ANKK1: variants seen among roughly 807,000 people sequenced by gnomAD.
ANKK1 encodes ankyrin repeat and protein kinase domain-containing protein 1.
ANKK1 carries 37 observed loss-of-function variants against 37.6 expected under a neutral mutation model. That is an observed-to-expected ratio of 0.98 (90% CI 0.76 to 1.29). The LOEUF is 1.29. Among genes scored for constraint, ANKK1 ranks in the 50% most tolerant of loss-of-function variants. ANKK1 has a pLI of 0.00. For missense variants in ANKK1, 1,019 were observed against 990.6 expected, an observed-to-expected ratio of 1.03 and a Z score of -0.39; for synonymous variants, 415 against 418.7, an observed-to-expected ratio of 0.99 and a Z score of 0.11.
chr11:113,394,849 C>T, intron 2 of ANKK1, 80 bp from the exon 3 acceptor site: 1 of 1,553,984 alleles, frequency 6.4e-7, no homozygotes, highest in Non-Finnish European at 8.8e-7. Flanking sequence ...AGGCAGATAG[C>T]AGGAGGGGTG....
intron 2 of ANKK1, among the ~76,000 whole-genome samples, chr11:113,394,223 C>G (rs530922563): frequency 6.6e-6 from 1 of 152,292 alleles, no homozygotes; most frequent in South Asian, 2.1e-4. Flanking sequence ...CCATCACCTC[C>G]TCAGGGAGCT....
chr11:113,392,456 A>G (rs2138124691), intron 1 of ANKK1, among the ~76,000 whole-genome samples: 1 of 152,320 alleles, frequency 6.6e-6, no homozygotes, highest in African/African-American at 2.4e-5. Context: ...TTTTTCCTGA[A>G]GGTTGGGGCT....
At chr11:113,394,202 A>G (rs1187244471) in intron 2 of ANKK1, among the ~76,000 whole-genome samples, 1 of 152,018 alleles carries the variant, frequency 6.6e-6, no homozygotes, top group Non-Finnish European at 1.5e-5. Flanking sequence ...TCTACTCACT[A>G]TTCAGCTTAA....
intron 1 of ANKK1, among the ~76,000 whole-genome samples, chr11:113,388,934 G>A (rs931705322): frequency 1.1e-4 from 17 of 152,234 alleles, no homozygotes; most frequent in African/African-American, 2.9e-4. Context: ...AGTCCGGGAC[G>A]GGGGTCTCTC....
At position 113,397,296 on chromosome 11, in the gene ANKK1, T is replaced by C. The variant is rs1950647034; in HGVS notation, c.911T>C (p.Leu304Pro). 1 of 1,612,716 alleles carries C rather than the reference T, an allele frequency of 6.2e-7. No individual in the cohort carries two copies. Among genetic ancestry groups the C allele is most frequent in the African/African-American group, 1.3e-5 (1 of 74,916 alleles). The change falls in exon 6 of 8, where the codon CTG (leucine) becomes CCG (proline). Residue 304 changes from leucine to proline, a missense_variant. Leu to Pro is a moderately conservative substitution (Grantham distance 98, BLOSUM62 -3). Transcript: ENST00000303941. ...SRVAVPESKA[L>P]ARKVSCKLSL... is the part of the protein sequence containing the mutation. ...GTGGCAGTCCCAGAGAGCAAGGCCC[T>C]GGCCAGGAAGGTGTCCTGCAAGCTG...
Position 113,393,514 on chromosome 11 carries a change from C to A in ANKK1, c.219C>A (p.Ala73=), listed in dbSNP as rs770969694. ...SDVNYLIEEA[A]KMKKIKFQHI... is the part of the protein sequence containing the mutation. The stretch of plus-strand genomic sequence containing the variant: ...TGAATTACCTCATTGAAGAAGCTGC[C>A]AAAATGAAGAAGATCAAGTTTCAGC... The change falls in exon 2 of 8, where the codon GCC becomes GCA. Residue 73 remains alanine, a synonymous_variant. Coordinates refer to ENST00000303941, the MANE Select transcript of ANKK1 (RefSeq NM_178510.2). The A allele has an allele frequency of 6.2e-7, 1 of 1,613,778 alleles. No homozygotes were observed. Among genetic ancestry groups the A allele is most frequent in the South Asian group, 1.1e-5 (1 of 91,046 alleles).
At position 113,387,909 on chromosome 11, in the gene ANKK1, C is replaced by T; in HGVS notation, c.25C>T (p.Arg9Trp). The change falls in exon 1 of 8, where the codon CGG becomes TGG. Residue 9 changes from arginine to tryptophan, a missense_variant. Physicochemically the swap from Arg to Trp is moderately radical, Grantham distance 101. Transcript: ENST00000303941. MAADPTEL[R>W]LGSLPVFTRD... The stretch of plus-strand genomic sequence containing the variant: ...AATGGCTGCCGACCCCACCGAGCTG[C>T]GGCTGGGCAGCCTCCCCGTCTTCAC... The T allele has an allele frequency of 6.4e-7, 1 of 1,559,562 alleles. No individual in the cohort carries two copies. Among genetic ancestry groups the T allele is most frequent in the Non-Finnish European group, 8.6e-7 (1 of 1,156,642 alleles).
At chr11:113,395,165 C>A in intron 3 of ANKK1, 85 bp downstream of exon 3, 2 of 1,519,932 alleles carry the variant, frequency 1.3e-6, no homozygotes, top group Admixed American at 2.0e-5. Flanking sequence ...GCCCAAAGGG[C>A]AGGGCAGTGC....
chr11:113,399,558 C>T lies in ANKK1; in HGVS notation c.1589C>T (p.Pro530Leu), dbSNP rs1328698881. ...GCTCAGCAGAGAAACCTGAGAACAC[C>T]ACTGCACCTGGCAGTAGAGCGGGGC... ...LDAQQRNLRTPLHLAVERGKV... is the reference protein window; with the variant it reads ...LDAQQRNLRTLLHLAVERGKV... The change falls in exon 8 of 8, where the codon CCA (proline) becomes CTA (leucine). Residue 530 changes from proline to leucine, a missense_variant. Pro to Leu is a moderately conservative substitution (Grantham distance 98). Transcript: ENST00000303941. 6.2e-7 allele frequency: 1 copy of T among 1,602,542 alleles called. No homozygotes were observed.
At chr11:113,392,178 A>T (rs12360992) in intron 1 of ANKK1, among the ~76,000 whole-genome samples, 1 of 152,032 alleles carries the variant, frequency 6.6e-6, no homozygotes, top group Non-Finnish European at 1.5e-5. Context: ...TTTAGTTTAG[A>T]AACTGAGGCC....
Position 113,394,979 on chromosome 11 carries a change from G to A in ANKK1, c.531G>A (p.Gln177=). 1 of 1,613,638 alleles carries A rather than the reference G, an allele frequency of 6.2e-7. No individual in the cohort carries two copies. The highest frequency in any genetic ancestry group is 8.5e-7 in the Non-Finnish European group (1 of 1,179,746). The change falls in exon 3 of 8, where the codon CAG becomes CAA. Residue 177 remains glutamine, a synonymous_variant. Coordinates refer to ENST00000303941, the MANE Select transcript of ANKK1 (RefSeq NM_178510.2). ...SKWMEQSTRM[Q]YIERSALRGM... ...GGATGGAACAGTCCACCCGGATGCAGTACATCGAGAGGTCGGCTCTGCGGG... is the reference window on the plus strand; with the variant it reads ...GGATGGAACAGTCCACCCGGATGCAATACATCGAGAGGTCGGCTCTGCGGG...
At chr11:113,393,185 C>CA (rs2138125892) in intron 1 of ANKK1, among the ~76,000 whole-genome samples, 1 of 152,294 alleles carries the variant, frequency 6.6e-6, no homozygotes, top group East Asian at 1.9e-4. Flanking sequence ...TAGAAACAAG[C>CA]AACTAGAATA....
In ANKK1 at chr11:113,398,952, T is replaced by G. The variant is rs1352134447; in HGVS notation, c.995-12T>G. 5.1e-6 allele frequency: 8 copies of G among 1,556,088 alleles called. No individual in the cohort carries two copies. In the South Asian group the frequency reaches 8.3e-5, roughly 16 times the overall value. On this transcript the variant is annotated splice_polypyrimidine_tract_variant and intron_variant, in intron 7 of 7. Coordinates refer to ENST00000303941, the MANE Select transcript of ANKK1 (RefSeq NM_178510.2). Reference sequence around the variant, plus strand: ...CAGGTCTTTTTTTTCAACCCCATCTTTCTCCCAGCAGACTCAGGAAACTAC... The same window carrying G: ...CAGGTCTTTTTTTTCAACCCCATCTGTCTCCCAGCAGACTCAGGAAACTAC...
rs763823018 is a variant in ANKK1 at position 113,399,582 on chromosome 11, G to A, written c.1613G>A (p.Gly538Asp). ...RTPLHLAVERGKVRAIQHLLK... is the reference protein window; with the variant it reads ...RTPLHLAVERDKVRAIQHLLK... ...CCACTGCACCTGGCAGTAGAGCGGG[G>A]CAAAGTGAGGGCCATCCAACACCTG... The change falls in exon 8 of 8, where the codon GGC becomes GAC. Residue 538 changes from glycine (G) to aspartate (D), a missense_variant. Gly to Asp is a moderately conservative substitution (Grantham distance 94, BLOSUM62 -1). Coordinates refer to ENST00000303941, the MANE Select transcript of ANKK1 (RefSeq NM_178510.2). 2 of 1,605,042 alleles carry A rather than the reference G, an allele frequency of 1.2e-6. No homozygotes were observed. The highest frequency in any genetic ancestry group is 1.1e-5 in the South Asian group (1 of 89,186).
chr11:113,392,244 G>A (rs1950592929), intron 1 of ANKK1, among the ~76,000 whole-genome samples: 2 of 152,236 alleles, frequency 1.3e-5, no homozygotes, highest in Non-Finnish European at 2.9e-5. Context: ...ACTGGGATTT[G>A]AAATCAGGGC....
Position 113,400,036 on chromosome 11 carries a change from C to T in ANKK1, c.2067C>T (p.Asn689=). The T allele has an allele frequency of 6.2e-7, 1 of 1,613,394 alleles. No homozygotes were observed. Among genetic ancestry groups the T allele is most frequent in the East Asian group, 2.2e-5 (1 of 44,864 alleles). Residue 689 remains asparagine (N), a synonymous_variant, in exon 8 of 8, where the codon AAC becomes AAT. Transcript: ENST00000303941. ...LEHHANVHAR[N]KVGWTPAHLA... ...ATCACGCAAATGTCCACGCCCGCAA[C>T]AAGGTGGGCTGGACACCCGCCCACC...
intron 1 of ANKK1, among the ~76,000 whole-genome samples, chr11:113,389,833 A>C (rs1950574228): frequency 1.3e-5 from 2 of 152,196 alleles, no homozygotes; most frequent in Non-Finnish European, 2.9e-5. Context: ...GCAGTGGAAA[A>C]CCACTGAGCA....
At chr11:113,390,255 T>G (rs533086046) in intron 1 of ANKK1, among the ~76,000 whole-genome samples, 1 of 152,158 alleles carries the variant, frequency 6.6e-6, no homozygotes, top group African/African-American at 2.4e-5. Flanking sequence ...TGAATGGCAG[T>G]GTTGACAATT....
At position 113,399,710 on chromosome 11, in the gene ANKK1, A is replaced by G. The variant is rs749315416; in HGVS notation, c.1741A>G (p.Arg581Gly). 19 of 1,598,542 alleles carry G rather than the reference A, an allele frequency of 1.2e-5. No individual in the cohort carries two copies. In the Admixed American group the frequency reaches 3.3e-4, roughly 28 times the overall value. Reference sequence around the variant, plus strand: ...ATACCTGATCTGCAAGATGCTGCTCAGGTACGGAGCCAGCCTTGAGCTGCC... The same window carrying G: ...ATACCTGATCTGCAAGATGCTGCTCGGGTACGGAGCCAGCCTTGAGCTGCC... ...GKYLICKMLLRYGASLELPTH... is the reference protein window; with the variant it reads ...GKYLICKMLLGYGASLELPTH... The change falls in exon 8 of 8, where the codon AGG becomes GGG. Residue 581 changes from arginine to glycine, a missense_variant. Physicochemically the swap from Arg to Gly is moderately radical, Grantham distance 125. Coordinates refer to ENST00000303941, the MANE Select transcript of ANKK1 (RefSeq NM_178510.2).
Sources: allele counts gnomAD v4.1 joint callset (sites outside exome capture counted in the v4.1 genomes callset), GRCh38; gene constraint gnomAD v4.1.1; transcripts MANE v1.5; gene names NCBI Gene and HGNC (gene_info 2026-07-23, HGNC 2026-07-21).